Variants in PALB2 observed in about 807,000 individuals in gnomAD.
The protein encoded by PALB2 is partner and localizer of BRCA2.
Under a neutral mutation model 107.4 loss-of-function variants are expected in PALB2, and 82 were observed. The observed-to-expected ratio is 0.76, with a 90% confidence interval of 0.64 to 0.92. PALB2 has a LOEUF of 0.92. Ranked by LOEUF, PALB2 falls within the 40% of genes least tolerant of loss-of-function variation. The pLI, the probability that PALB2 is intolerant of heterozygous loss-of-function variation, is 0.00. For synonymous variants in PALB2, 489 were observed against 496.8 expected (o/e 0.98, Z 0.21); for missense variants, 1,374 against 1,379.9 (o/e 1.00, Z 0.07).
chr16:23,639,899 T>G (rs1332805518), intron 1 of PALB2, among the ~76,000 whole-genome samples: 1 of 152,120 alleles, frequency 6.6e-6, no homozygotes, highest in Non-Finnish European at 1.5e-5. Flanking sequence ...TCTTTTTTTT[T>G]GAGAGACAGT....
Position 23,635,421 on chromosome 16 carries a change from T to C in PALB2, c.1125A>G (p.Leu375=), listed in dbSNP as rs767284930. 2 of 1,613,870 alleles carry C rather than the reference T, an allele frequency of 1.2e-6. No homozygotes were observed. The highest frequency in any genetic ancestry group is 1.7e-6 in the Non-Finnish European group (2 of 1,179,868). The change falls in exon 4 of 13, where the codon CTA becomes CTG. Residue 375 remains leucine (L), a synonymous_variant. Transcript: ENST00000261584. ...RNENLQESEI[L]SQPKSLSLEA... ...CCAGGCTAAGACTCTTAGGTTGACTTAGAATCTCACTTTCCTGAAGATTTT... is the reference window on the plus strand; with the variant it reads ...CCAGGCTAAGACTCTTAGGTTGACTCAGAATCTCACTTTCCTGAAGATTTT...
chr16:23,641,172 A>T lies in PALB2; in HGVS notation c.-15T>A. On this transcript the variant is annotated 5_prime_UTR_variant, in exon 1 of 13. Transcript: ENST00000261584. ...GGCTCGTCCATCGGGCAGGCGACAGAACGAAAAGAGCAGCCGTCGCCGACC... is the reference window on the plus strand; with the variant it reads ...GGCTCGTCCATCGGGCAGGCGACAGTACGAAAAGAGCAGCCGTCGCCGACC... The T allele has an allele frequency of 6.2e-7, 1 of 1,612,158 alleles. No individual in the cohort carries two copies. Among genetic ancestry groups the T allele is most frequent in the Non-Finnish European group, 8.5e-7 (1 of 1,179,618 alleles).
chr16:23,636,954 TA>T (rs1405355192), intron 3 of PALB2, among the ~76,000 whole-genome samples: 3 of 152,004 alleles, frequency 2.0e-5, no homozygotes, highest in Non-Finnish European at 4.4e-5. Context: ...CTTACATTTT[TA>T]AAAAAAACCT....
chr16:23,610,554 G>A (rs1192985701), intron 11 of PALB2, among the ~76,000 whole-genome samples: 3 of 151,148 alleles, frequency 2.0e-5, no homozygotes, highest in African/African-American at 4.9e-5. Context: ...TGATCTGCCC[G>A]CCTCGGCCTC....
At chr16:23,615,360 G>A (rs1326696555) in intron 10 of PALB2, among the ~76,000 whole-genome samples, 1 of 151,996 alleles carries the variant, frequency 6.6e-6, no homozygotes, top group Non-Finnish European at 1.5e-5. Flanking sequence ...GCTGGAGTGT[G>A]GTGGCGTGAT....
chr16:23,637,954 TAG>T lies in PALB2; in HGVS notation c.109-4_109-3del, dbSNP rs754134016. ...AATCTTTTCAGCTCTTTGGGCACGC[TAG>T]AGGAGACAAAAACAGCCCCAGAAAT... is the stretch of plus-strand genomic sequence containing the variant. On this transcript the variant is annotated splice_polypyrimidine_tract_variant and splice_region_variant and intron_variant, in intron 2 of 12. Coordinates refer to ENST00000261584, the MANE Select transcript of PALB2 (RefSeq NM_024675.4). 6.2e-7 allele frequency: 1 copy of T among 1,612,726 alleles called. No individual in the cohort carries two copies. The highest frequency in any genetic ancestry group is 8.5e-7 in the Non-Finnish European group (1 of 1,178,722).
At chr16:23,614,156 TTC>T in intron 10 of PALB2, 65 bp from the exon 11 acceptor site, 1 of 1,194,350 alleles carries the variant, frequency 8.4e-7, no homozygotes, top group Non-Finnish European at 1.2e-6. Flanking sequence ...AGAAAATATT[TTC>T]TTATTCATCA....
chr16:23,629,688 C>A lies in PALB2; in HGVS notation c.2466G>T (p.Gln822His), dbSNP rs1157451265. 6.2e-7 allele frequency: 1 copy of A among 1,614,204 alleles called. No homozygotes were observed. The highest frequency in any genetic ancestry group is 8.5e-7 in the Non-Finnish European group (1 of 1,180,042). ...GCTCCTGGCATGTGTTTCTACAGAG[C>A]TGATTTTCTTTAAAAGTGAATGACT... is the stretch of plus-strand genomic sequence containing the variant. ...PIESFTFKEN[Q>H]LCRNTCQELH... is the part of the protein sequence containing the mutation. The change falls in exon 5 of 13, where the codon CAG (glutamine) becomes CAT (histidine). Residue 822 changes from glutamine to histidine, a missense_variant. Gln to His is a conservative substitution (Grantham distance 24). Coordinates refer to ENST00000261584, the MANE Select transcript of PALB2 (RefSeq NM_024675.4).
chr16:23,606,780 C>T (rs899940638), intron 12 of PALB2, among the ~76,000 whole-genome samples: 1 of 150,498 alleles, frequency 6.6e-6, no homozygotes, highest in Non-Finnish European at 1.5e-5. Context: ...GCCTCGGCCT[C>T]CCAAAGTGCT....
chr16:23,624,700 G>A lies in PALB2; in HGVS notation c.2749-606C>T, dbSNP rs535483160. ...GGCTAATTTTATTTTTAGGAGAGAC[G>A]GGGTTTCACCATGTTGGTCAGGCTG... On this transcript the variant is annotated intron_variant, in intron 7 of 12. Transcript: ENST00000261584. 3.3e-5 allele frequency among the ~76,000 whole-genome samples: 5 copies of A among 152,234 alleles called. No homozygotes were observed. In the South Asian group the frequency reaches 8.3e-4, roughly 25 times the overall value.
chr16:23,625,386 T>C lies in PALB2; in HGVS notation c.2748+850A>G, dbSNP rs147971165. Among the ~76,000 whole-genome samples, 800 of 151,940 alleles carry C rather than the reference T, an allele frequency of 5.3e-3. 3 individuals carry two copies. The highest frequency in any genetic ancestry group is 8.5e-3 in the Admixed American group (130 of 15,242). On this transcript the variant is annotated intron_variant, in intron 7 of 12. Coordinates refer to ENST00000261584, the MANE Select transcript of PALB2 (RefSeq NM_024675.4). Reference sequence around the variant, plus strand: ...ATATCTAGATAAACCTGTGATGGGCTGGGCATGGTGGTTCACACCTGTAAT... The same window carrying C: ...ATATCTAGATAAACCTGTGATGGGCCGGGCATGGTGGTTCACACCTGTAAT...
At position 23,630,323 on chromosome 16, in the gene PALB2, C is replaced by A; in HGVS notation, c.1831G>T (p.Asp611Tyr). 6.2e-7 allele frequency: 1 copy of A among 1,614,196 alleles called. No homozygotes were observed. Among genetic ancestry groups the A allele is most frequent in the Non-Finnish European group, 8.5e-7 (1 of 1,180,042 alleles). The change falls in exon 5 of 13, where the codon GAC becomes TAC. Residue 611 changes from aspartate to tyrosine, a missense_variant. Physicochemically the swap from Asp to Tyr is radical, Grantham distance 160 (BLOSUM62 -3). Transcript: ENST00000261584. ...AAGTCTTCATCAGGTAACTGAAAGT[C>A]TGTGATACTGAGAAAAGACAGTAGT... ...KQLLSFLSIT[D>Y]FQLPDEDFGP...
Position 23,635,245 on chromosome 16 carries a change from T to G in PALB2, c.1301A>C (p.Asp434Ala), listed in dbSNP as rs757972600. The change falls in exon 4 of 13, where the codon GAT (aspartate) becomes GCT (alanine). Residue 434 changes from aspartate (D) to alanine (A), a missense_variant. Coordinates refer to ENST00000261584, the MANE Select transcript of PALB2 (RefSeq NM_024675.4). The part of the protein sequence containing the change: ...AVEAVIQSHL[D>A]VKKKGFKNKN... ...ATTTTTAAACCCTTTTTTCTTGACA[T>G]CCAAATGACTCTGAATGACAGCCTC... 4 of 1,614,184 alleles carry G rather than the reference T, an allele frequency of 2.5e-6. No homozygotes were observed. The highest frequency in any genetic ancestry group is 3.4e-6 in the Non-Finnish European group (4 of 1,180,046).
At chr16:23,619,994 G>A (rs940845901) in intron 10 of PALB2, among the ~76,000 whole-genome samples, 2 of 152,140 alleles carry the variant, frequency 1.3e-5, no homozygotes, top group African/African-American at 2.4e-5. Flanking sequence ...TGGCCAGGCT[G>A]GTCTCGAACA....
chr16:23,627,253 C>T (rs896092158), intron 6 of PALB2, among the ~76,000 whole-genome samples: 2 of 151,334 alleles, frequency 1.3e-5, no homozygotes, highest in African/African-American at 2.4e-5. Context: ...TTTGGGAGGC[C>T]GAGGCGGGTG....
In PALB2 at chr16:23,634,940, G is replaced by A. The variant is rs151162255; in HGVS notation, c.1606C>T (p.Leu536=). 474 of 1,614,152 alleles carry A rather than the reference G, an allele frequency of 2.9e-4. 3 individuals carry two copies. In the African/African-American group the frequency reaches 5.8e-3, roughly 20 times the overall value. Reference sequence around the variant, plus strand: ...TCCTTGGACCTGTTAACAATCGACAGGCTAGAAGTTGGCAAAAGTGGTTCA... The same window carrying A: ...TCCTTGGACCTGTTAACAATCGACAAGCTAGAAGTTGGCAAAAGTGGTTCA... The part of the protein sequence containing the change: ...HCEPLLPTSS[L]SIVNRSKEEV... Residue 536 remains leucine (L), a synonymous_variant, in exon 4 of 13, where the codon CTG becomes TTG. Transcript: ENST00000261584.
At chr16:23,608,792 GTATA>G (rs141158117) in intron 11 of PALB2, among the ~76,000 whole-genome samples, 11 of 145,854 alleles carry the variant, frequency 7.5e-5, no homozygotes, top group East Asian at 2.0e-4. Context: ...CTGTATGTGT[GTATA>G]TATATACACA....
chr16:23,622,845 G>T, intron 9 of PALB2, 124 bp downstream of exon 9: 1 of 1,059,926 alleles, frequency 9.4e-7, no homozygotes, highest in Non-Finnish European at 1.4e-6. Context: ...GTGTTGATGC[G>T]GTACATGCTT....
rs587781708 is a variant in PALB2, at chr16:23,629,222, T to C, written c.2568A>G (p.Gln856=). The part of the protein sequence containing the change: ...ASDSINPGNL[Q]LVSELKNPSG... ...TTCTGACCTTTAACTCTGAAACCAATTGTAGGTTGCCTGGGTTTATGCTAT... is the reference window on the plus strand; with the variant it reads ...TTCTGACCTTTAACTCTGAAACCAACTGTAGGTTGCCTGGGTTTATGCTAT... Residue 856 remains glutamine (Q), a synonymous_variant, in exon 6 of 13, where the codon CAA becomes CAG. Coordinates refer to ENST00000261584, the MANE Select transcript of PALB2 (RefSeq NM_024675.4). 2 of 1,613,484 alleles carry C rather than the reference T, an allele frequency of 1.2e-6. No homozygotes were observed. Among genetic ancestry groups the C allele is most frequent in the Non-Finnish European group, 1.7e-6 (2 of 1,179,700 alleles).
Sources: gnomAD v4.1 joint callset for allele counts (sites outside exome capture counted in the v4.1 genomes callset) on GRCh38, gnomAD v4.1.1 for gene constraint, MANE v1.5 for transcripts, NCBI Gene and HGNC (gene_info 2026-07-23, HGNC 2026-07-21) for gene names.